The following PCDHA4 variants were observed in gnomAD, a reference collection of about 807,000 sequenced individuals.
The protein encoded by PCDHA4 is protocadherin alpha 4, also known as protocadherin alpha-4.
In PCDHA4, 49 loss-of-function variants were observed where a neutral mutation model predicts 61.4. That is an observed-to-expected ratio of 0.80 (90% CI 0.63 to 1.01). PCDHA4 has a LOEUF of 1.01. Among genes scored for constraint, PCDHA4 ranks in the 50% least tolerant of loss-of-function variants. PCDHA4 has a pLI of 0.00. For missense variants in PCDHA4, 1,254 were observed against 1,235.8 expected (o/e 1.01, Z -0.22); for synonymous variants, 590 against 550.3 (o/e 1.07, Z -1.01).
intron 1 of PCDHA4, chr5:140,835,488 A>C (rs2150236741): frequency 2.5e-6 from 4 of 1,613,940 alleles, no homozygotes; most frequent in Non-Finnish European, 3.4e-6. Flanking sequence ...AGGTACCGTC[A>C]TCACATTGAT....
intron 1 of PCDHA4, among the ~76,000 whole-genome samples, chr5:140,840,153 G>A (rs1284552041): frequency 6.6e-6 from 1 of 152,018 alleles, no homozygotes; most frequent in Non-Finnish European, 1.5e-5. Context: ...CACGTGAAAG[G>A]AGAGATGGGA....
At position 140,855,260 on chromosome 5, in the gene PCDHA4, A is replaced by G. The variant is rs146587233; in HGVS notation, c.2385+45688A>G. ...TACTATTGCAAGCACTTACTATATT[A>G]TAATTCACTCAACCACCGTATTACT... is the stretch of plus-strand genomic sequence containing the variant. On this transcript the variant is annotated intron_variant, in intron 1 of 3. Coordinates refer to ENST00000530339, the MANE Select transcript of PCDHA4 (RefSeq NM_018907.4). Among the ~76,000 whole-genome samples, 51 of 149,956 alleles carry G rather than the reference A, an allele frequency of 3.4e-4. No homozygotes were observed. In the East Asian group the frequency reaches 7.5e-3, roughly 22 times the overall value.
At chr5:140,877,721 A>G in intron 1 of PCDHA4, 1 of 1,614,000 alleles carries the variant, frequency 6.2e-7, no homozygotes, top group East Asian at 2.2e-5. Context: ...AGTTGGTCTT[A>G]CTCGCAGCAG....
At chr5:140,850,202 G>A in intron 1 of PCDHA4, 3 of 1,593,648 alleles carry the variant, frequency 1.9e-6, no homozygotes, top group Non-Finnish European at 2.6e-6. Flanking sequence ...TGACACCTCG[G>A]ATGAGGGGCA....
intron 1 of PCDHA4, among the ~76,000 whole-genome samples, chr5:140,910,040 G>C (rs552041915): frequency 1.3e-5 from 2 of 152,276 alleles, no homozygotes; most frequent in South Asian, 4.2e-4. Context: ...AATCCCACTT[G>C]GTCATAATAA....
intron 1 of PCDHA4, chr5:140,823,826 G>C: frequency 6.2e-7 from 1 of 1,613,820 alleles, no homozygotes; most frequent in Non-Finnish European, 8.5e-7. Flanking sequence ...GCGTCGGCGG[G>C]CGCTGTGGGT....
intron 1 of PCDHA4, chr5:140,868,008 G>C (rs953372223): frequency 2.2e-4 from 34 of 152,046 alleles, no homozygotes; most frequent in African/African-American, 7.7e-4. Context: ...AACTGAATTA[G>C]ATTAAGGAAA....
In PCDHA4 at chr5:140,809,167, G is replaced by C; in HGVS notation, c.1980G>C (p.Thr660=). The C allele has an allele frequency of 6.2e-7, 1 of 1,613,990 alleles. No homozygotes were observed. The highest frequency in any genetic ancestry group is 1.1e-5 in the South Asian group (1 of 91,076). ...LVKDHGEPAL[T]ATATVLVSLV... is the part of the protein sequence containing the mutation. ...AGGACCACGGCGAGCCCGCGCTGAC[G>C]GCCACGGCCACTGTGCTGGTGTCAC... Residue 660 remains threonine, a synonymous_variant, in exon 1 of 4, where the codon ACG becomes ACC. Transcript: ENST00000530339.
intron 1 of PCDHA4, chr5:140,823,128 T>C (rs2150122599): frequency 1.9e-6 from 3 of 1,613,702 alleles, no homozygotes; most frequent in Middle Eastern, 1.7e-4. Context: ...ACGACAACGC[T>C]CCGGCGTTCG....
chr5:140,923,963 A>G (rs1172303229), intron 1 of PCDHA4, among the ~76,000 whole-genome samples: 1 of 152,188 alleles, frequency 6.6e-6, no homozygotes, highest in African/African-American at 2.4e-5. Context: ...CCTAATCTAT[A>G]CCCACACATA....
At chr5:140,856,352 A>G in intron 1 of PCDHA4, 1 of 1,598,598 alleles carries the variant, frequency 6.3e-7, no homozygotes, top group South Asian at 1.1e-5. Context: ...CGTGGAGTGC[A>G]GCATCCACCT....
chr5:140,856,210 G>A, intron 1 of PCDHA4: 1 of 1,598,116 alleles, frequency 6.3e-7, no homozygotes, highest in Non-Finnish European at 8.6e-7. Flanking sequence ...TGGGGCTGGA[G>A]CTGGCGGAGC....
At position 140,848,738 on chromosome 5, in the gene PCDHA4, T is replaced by C. The variant is rs1554142405; in HGVS notation, c.2385+39166T>C. ...ACCTTCTGGAGGTAAATCTGCAGAA[T>C]GGCATTTTGTTTGTGAATTCTCGGA... On this transcript the variant is annotated intron_variant, in intron 1 of 3. Transcript: ENST00000530339. 9 of 1,592,802 alleles carry C rather than the reference T, an allele frequency of 5.7e-6. 1 individual carries two copies. Among genetic ancestry groups the C allele is most frequent in the Middle Eastern group, 1.7e-4 (1 of 5,866 alleles).
At chr5:140,969,230 G>A (rs1554231609) in intron 1 of PCDHA4, 1 of 1,614,154 alleles carries the variant, frequency 6.2e-7, no homozygotes, top group South Asian at 1.1e-5. Flanking sequence ...GCCTTCGGGA[G>A]CCCAAGCAGC....
intron 1 of PCDHA4, chr5:140,814,494 A>G (rs1269898592): frequency 1.3e-5 from 2 of 151,836 alleles, no homozygotes; most frequent in African/African-American, 2.4e-5. Flanking sequence ...TAGAAAGAGT[A>G]CACTGTAAAA....
intron 1 of PCDHA4, chr5:140,870,699 C>T (rs1160091003): frequency 6.2e-7 from 1 of 1,613,004 alleles, no homozygotes. Flanking sequence ...TGCTACAGTT[C>T]CAGGTGAGCG....
intron 1 of PCDHA4, chr5:140,830,564 T>A: frequency 1.0e-6 from 1 of 986,290 alleles, no homozygotes; most frequent in South Asian, 3.1e-5. Flanking sequence ...CTTCTATATT[T>A]CTGTTTTTAA....
At chr5:140,883,621 C>T (rs368758287) in intron 1 of PCDHA4, 80 of 1,613,850 alleles carry the variant, frequency 5.0e-5, no homozygotes, top group Non-Finnish European at 6.4e-5. Flanking sequence ...TGAACGACAA[C>T]GCGCCGGCGT....
chr5:140,868,653 G>T (rs897751330), intron 1 of PCDHA4: 1 of 162,858 alleles, frequency 6.1e-6, no homozygotes, highest in African/African-American at 2.4e-5. Flanking sequence ...CTGTGTATAA[G>T]TATTTTAGAT....
Sources: gnomAD v4.1 joint callset for allele counts (sites outside exome capture counted in the v4.1 genomes callset) on GRCh38, gnomAD v4.1.1 for gene constraint, MANE v1.5 for transcripts, NCBI Gene and HGNC (gene_info 2026-07-23, HGNC 2026-07-21) for gene names.